ADAM22: variants seen among roughly 807,000 people sequenced by gnomAD.
ADAM22 encodes ADAM metallopeptidase domain 22, also known as disintegrin and metalloproteinase domain-containing protein 22.
ADAM22 carries 65 observed loss-of-function variants against 144.6 expected under a neutral mutation model. The observed-to-expected ratio is 0.45, with a 90% CI of 0.37 to 0.55. The LOEUF (loss-of-function observed/expected upper bound fraction) is 0.55, where lower values mean the gene tolerates loss of function less well. ADAM22 is among the 20% of genes least tolerant of loss of function. The pLI, the probability that ADAM22 is intolerant of heterozygous loss-of-function variation, is 0.00. For synonymous variants in ADAM22, 391 were observed against 412.6 expected, an observed-to-expected ratio of 0.95 and a Z score of 0.63; for missense variants, 974 against 1,184.9, an observed-to-expected ratio of 0.82 and a Z score of 2.61.
intron 2 of ADAM22, chr7:87,964,796 A>G: frequency 3.3e-6 from 1 of 305,124 alleles, no homozygotes; most frequent in Non-Finnish European, 6.3e-6. Context: ...GCAAGGAGTT[A>G]CTCTTCAAAG....
At chr7:87,982,062 TATATATAC>T (rs1355220253) in intron 3 of ADAM22, among the ~76,000 whole-genome samples, 1 of 108,860 alleles carries the variant, frequency 9.2e-6, no homozygotes, top group Non-Finnish European at 1.8e-5. Context: ...TATATATATA[TATATATAC>T]ACACACACAC....
intron 10 of ADAM22, among the ~76,000 whole-genome samples, chr7:88,130,897 C>A (rs1444543425): frequency 2.0e-5 from 3 of 152,124 alleles, no homozygotes; most frequent in Admixed American, 6.6e-5. Flanking sequence ...CAAGTCTAAT[C>A]AGAGCCAGTC....
rs566713491 is a variant in ADAM22, at chr7:88,196,830, A to G, written c.*339A>G. ...TGACCCAAATGTAGCAAGTTTCCTAAGGTACAATAGTGGATTCAGAACTTG... is the reference window on the plus strand; with the variant it reads ...TGACCCAAATGTAGCAAGTTTCCTAGGGTACAATAGTGGATTCAGAACTTG... On this transcript the variant is annotated 3_prime_UTR_variant, in exon 32 of 32. Transcript: ENST00000413139. 1 of 297,216 alleles carries G rather than the reference A, an allele frequency of 3.4e-6. No homozygotes were observed. Among genetic ancestry groups the G allele is most frequent in the Non-Finnish European group, 6.5e-6 (1 of 153,980 alleles). The allele number at this position is 297,216 out of a possible 1,614,324, so 18.4% of individuals were successfully genotyped here.
At chr7:88,159,117 T>A (rs1242197477) in intron 22 of ADAM22, among the ~76,000 whole-genome samples, 1 of 152,106 alleles carries the variant, frequency 6.6e-6, no homozygotes, top group Non-Finnish European at 1.5e-5. Context: ...CAGAGACTAC[T>A]ACGAACACCT....
At chr7:88,082,554 T>C (rs1221526844) in intron 4 of ADAM22, among the ~76,000 whole-genome samples, 1 of 152,056 alleles carries the variant, frequency 6.6e-6, no homozygotes, top group East Asian at 1.9e-4. Context: ...ACAGGCAACC[T>C]ACAAAATGGG....
chr7:88,124,680 C>T (rs568077101), intron 7 of ADAM22, among the ~76,000 whole-genome samples: 2 of 151,982 alleles, frequency 1.3e-5, no homozygotes, highest in East Asian at 3.9e-4. Context: ...AACTTATTCC[C>T]TTTCTCAACA....
intron 6 of ADAM22, among the ~76,000 whole-genome samples, chr7:88,115,751 C>T (rs1368347563): frequency 6.6e-6 from 1 of 152,164 alleles, no homozygotes; most frequent in Non-Finnish European, 1.5e-5. Context: ...TTTCACCCCT[C>T]CTCTCTTTTC....
At chr7:88,042,025 T>G (rs1245720733) in intron 3 of ADAM22, among the ~76,000 whole-genome samples, 1 of 152,108 alleles carries the variant, frequency 6.6e-6, no homozygotes, top group Non-Finnish European at 1.5e-5. Context: ...TTGTTGTTAA[T>G]TGTTCTCTGC....
At chr7:88,091,090 A>G (rs1819719380) in intron 4 of ADAM22, among the ~76,000 whole-genome samples, 1 of 152,148 alleles carries the variant, frequency 6.6e-6, no homozygotes, top group South Asian at 2.1e-4. Flanking sequence ...TAATTACTGT[A>G]TATTGCTGTC....
intron 31 of ADAM22, among the ~76,000 whole-genome samples, chr7:88,196,076 C>T (rs2129541689): frequency 6.6e-6 from 1 of 152,310 alleles, no homozygotes; most frequent in African/African-American, 2.4e-5. Context: ...ATGTAATGTG[C>T]AGCTGAGGTT....
intron 2 of ADAM22, among the ~76,000 whole-genome samples, chr7:87,946,110 T>A (rs1490182018): frequency 6.6e-6 from 1 of 152,178 alleles, no homozygotes; most frequent in Non-Finnish European, 1.5e-5. Context: ...GTGGTTTTGA[T>A]TTGCATTTCT....
chr7:88,194,555 G>A (rs996864313), intron 31 of ADAM22, among the ~76,000 whole-genome samples: 6 of 152,160 alleles, frequency 3.9e-5, no homozygotes, highest in Non-Finnish European at 8.8e-5. Context: ...ATAGACGTGG[G>A]CCAAGGCATG....
rs1831724831 is a variant in ADAM22, at chr7:88,131,401, A to G, written c.958A>G (p.Ile320Val). 1 of 1,613,738 alleles carries G rather than the reference A, an allele frequency of 6.2e-7. No individual in the cohort carries two copies. Among genetic ancestry groups the G allele is most frequent in the South Asian group, 1.1e-5 (1 of 91,082 alleles). ...GTTTATGAAATACAGGAGGGATTTT[A>G]TCAAAGAGAAAAGTGATGCAGTTCA... ...REFMKYRRDFIKEKSDAVHLF... is the reference protein window; with the variant it reads ...REFMKYRRDFVKEKSDAVHLF... Residue 320 changes from isoleucine (I) to valine (V), a missense_variant, in exon 11 of 32, where the codon ATC (isoleucine) becomes GTC (valine). Around this residue, in one of 2 missense-constraint regions of ADAM22, gnomAD observed 734 missense variants for 950.6 expected, o/e 0.77. Coordinates refer to ENST00000413139, the MANE Select transcript of ADAM22 (RefSeq NM_001324418.2).
chr7:88,012,321 A>G (rs965996559), intron 3 of ADAM22, among the ~76,000 whole-genome samples: 8 of 152,240 alleles, frequency 5.3e-5, no homozygotes, highest in African/African-American at 1.7e-4. Flanking sequence ...TCCAAAATCT[A>G]TGTCATGTTG....
intron 4 of ADAM22, among the ~76,000 whole-genome samples, chr7:88,105,525 A>G (rs1824135295): frequency 6.6e-6 from 1 of 152,216 alleles, no homozygotes; most frequent in African/African-American, 2.4e-5. Context: ...CACCAGTCCA[A>G]CAGCCCAACA....
At chr7:88,119,383 T>C (rs991397370) in intron 7 of ADAM22, among the ~76,000 whole-genome samples, 1 of 152,234 alleles carries the variant, frequency 6.6e-6, no homozygotes, top group Non-Finnish European at 1.5e-5. Context: ...TCATGTACTA[T>C]GTGCAGCTTC....
chr7:88,047,181 C>G (rs539290904), intron 3 of ADAM22, among the ~76,000 whole-genome samples: 4 of 152,190 alleles, frequency 2.6e-5, no homozygotes, highest in Non-Finnish European at 5.9e-5. Flanking sequence ...TAGTACAGTT[C>G]CTGGCACACC....
intron 4 of ADAM22, 68 bp from the exon 5 acceptor site, chr7:88,108,105 ACCT>A (rs1824930868): frequency 3.2e-6 from 4 of 1,256,360 alleles, no homozygotes; most frequent in Non-Finnish European, 4.6e-6. Flanking sequence ...GTGAGTAGAA[ACCT>A]CCTGTGAAAT....
At chr7:88,153,185 C>T in intron 20 of ADAM22, 36 bp from the exon 21 acceptor site, 1 of 1,492,314 alleles carries the variant, frequency 6.7e-7, no homozygotes, top group Non-Finnish European at 9.3e-7. Context: ...CCAAATCGTA[C>T]TTCCCTCACT....
Sources: gnomAD v4.1 joint callset for allele counts (sites outside exome capture counted in the v4.1 genomes callset) on GRCh38, gnomAD v4.1.1 for gene constraint, gnomAD v4.1.1 regional missense constraint, MANE v1.5 for transcripts, NCBI Gene and HGNC (gene_info 2026-07-23, HGNC 2026-07-21) for gene names.